RAP1GAP2: variants seen among roughly 807,000 people sequenced by gnomAD.
RAP1GAP2 encodes RAP1 GTPase activating protein 2.
Under a neutral mutation model 95.0 loss-of-function variants are expected in RAP1GAP2, and 27 were observed. That is an observed-to-expected ratio of 0.28 (90% CI 0.21 to 0.39). The LOEUF is 0.39. Among genes scored for constraint, RAP1GAP2 ranks in the 10% least tolerant of loss-of-function variants. RAP1GAP2 has a pLI of 1.00. For missense variants in RAP1GAP2, 771 were observed against 970.0 expected (o/e 0.79, Z 2.72); for synonymous variants, 373 against 380.9 (o/e 0.98, Z 0.24).
At chr17:2,985,177 A>C (rs2045511085) in intron 11 of RAP1GAP2, 111 bp downstream of exon 11, 2 of 1,528,164 alleles carry the variant, frequency 1.3e-6, no homozygotes, top group Admixed American at 4.3e-5. Flanking sequence ...AAGCATTTGG[A>C]ATACAACGGT....
At chr17:2,975,761 C>G (rs532454952) in intron 8 of RAP1GAP2, among the ~76,000 whole-genome samples, 80 of 152,264 alleles carry the variant, frequency 5.3e-4, no homozygotes, top group Non-Finnish European at 1.0e-3. Flanking sequence ...GCCCGCACTG[C>G]CTGTGACTGG....
chr17:2,788,763 T>A (rs1474311359), intron 1 of RAP1GAP2, among the ~76,000 whole-genome samples: 1 of 152,198 alleles, frequency 6.6e-6, no homozygotes, highest in Non-Finnish European at 1.5e-5. Flanking sequence ...GGTTCTCAGC[T>A]CAGGCAGAGA....
chr17:2,962,750 C>T, intron 5 of RAP1GAP2, 36 bp downstream of exon 5: 1 of 1,562,652 alleles, frequency 6.4e-7, no homozygotes, highest in South Asian at 1.2e-5. Context: ...CCAGACGGCC[C>T]TGGTGAGGGG....
At chr17:2,757,359 C>T (rs761562765) in intron 1 of RAP1GAP2, among the ~76,000 whole-genome samples, 3 of 152,172 alleles carry the variant, frequency 2.0e-5, no homozygotes, top group East Asian at 1.9e-4. Flanking sequence ...TGGGCTCGAG[C>T]GATCTACCCA....
intron 3 of RAP1GAP2, among the ~76,000 whole-genome samples, chr17:2,954,262 G>A (rs909719533): frequency 1.3e-5 from 2 of 151,838 alleles, no homozygotes; most frequent in East Asian, 3.9e-4. Context: ...CCGCCACCAT[G>A]CCCAGCTAAT....
intron 1 of RAP1GAP2, among the ~76,000 whole-genome samples, chr17:2,780,354 G>C (rs2151446072): frequency 6.6e-6 from 1 of 152,352 alleles, no homozygotes; most frequent in East Asian, 1.9e-4. Context: ...TCTGGCAAAA[G>C]TCTCTTCATC....
intron 11 of RAP1GAP2, among the ~76,000 whole-genome samples, chr17:2,988,090 G>A (rs186268649): frequency 6.6e-6 from 1 of 152,174 alleles, no homozygotes; most frequent in Admixed American, 6.6e-5. Flanking sequence ...GGCGCCTATA[G>A]TCCCAGCTAC....
At chr17:2,884,539 A>G (rs946639062) in intron 2 of RAP1GAP2, among the ~76,000 whole-genome samples, 3 of 151,742 alleles carry the variant, frequency 2.0e-5, no homozygotes, top group Non-Finnish European at 4.4e-5. Context: ...TGCCTGGCTA[A>G]TATTTGTATT....
chr17:2,762,719 A>T (rs935530371), intron 1 of RAP1GAP2, among the ~76,000 whole-genome samples: 3 of 150,952 alleles, frequency 2.0e-5, no homozygotes, highest in African/African-American at 7.3e-5. Flanking sequence ...GGATTTCAAC[A>T]TAGAAATTTT....
intron 2 of RAP1GAP2, among the ~76,000 whole-genome samples, chr17:2,810,789 A>G (rs962131826): frequency 6.6e-6 from 1 of 152,026 alleles, no homozygotes; most frequent in African/African-American, 2.4e-5. Context: ...TCAGCCTCCC[A>G]AAGTGCTGGG....
intron 1 of RAP1GAP2, among the ~76,000 whole-genome samples, chr17:2,760,666 G>C (rs573294195): frequency 6.6e-6 from 1 of 150,908 alleles, no homozygotes; most frequent in East Asian, 2.0e-4. Flanking sequence ...TTTTACTTAC[G>C]GTAAACTTTA....
At chr17:3,011,439 A>G (rs902823815) in intron 17 of RAP1GAP2, among the ~76,000 whole-genome samples, 2 of 151,926 alleles carry the variant, frequency 1.3e-5, no homozygotes, top group African/African-American at 2.4e-5. Flanking sequence ...TCAGGAAACC[A>G]TCCCTAGTTT....
At chr17:2,780,424 A>G (rs958291591) in intron 1 of RAP1GAP2, among the ~76,000 whole-genome samples, 1 of 152,098 alleles carries the variant, frequency 6.6e-6, no homozygotes, top group Non-Finnish European at 1.5e-5. Context: ...ACAGGGGAGG[A>G]GTTGTTTGCA....
intron 1 of RAP1GAP2, among the ~76,000 whole-genome samples, chr17:2,766,181 G>A (rs935236220): frequency 6.6e-6 from 1 of 152,148 alleles, no homozygotes; most frequent in African/African-American, 2.4e-5. Context: ...GACACTGTGC[G>A]TCCTCTGCAC....
chr17:2,990,893 G>A (rs1407554404), intron 11 of RAP1GAP2, among the ~76,000 whole-genome samples: 1 of 148,400 alleles, frequency 6.7e-6, no homozygotes, highest in Non-Finnish European at 1.5e-5. Context: ...CACCCAGACC[G>A]GACTGCAATG....
intron 8 of RAP1GAP2, among the ~76,000 whole-genome samples, chr17:2,970,273 CAA>C (rs869121536): frequency 2.7e-5 from 3 of 109,574 alleles, no homozygotes; most frequent in Non-Finnish European, 3.9e-5. Flanking sequence ...GACTCTGTCT[CAA>C]AAAAAAAAAA....
chr17:2,788,394 C>G (rs1349430263), intron 1 of RAP1GAP2, among the ~76,000 whole-genome samples: 40 of 152,182 alleles, frequency 2.6e-4, no homozygotes, highest in Admixed American at 2.6e-3. Context: ...CTCCCTGATT[C>G]AAGCAGTTCT....
intron 3 of RAP1GAP2, among the ~76,000 whole-genome samples, chr17:2,950,058 C>CT (rs1162303233): frequency 2.0e-5 from 2 of 101,336 alleles, no homozygotes; most frequent in Admixed American, 1.1e-4. Flanking sequence ...TCTTCTTCTT[C>CT]TTCTTTTTTT....
intron 14 of RAP1GAP2, among the ~76,000 whole-genome samples, chr17:2,999,539 G>A (rs1034587013): frequency 3.9e-5 from 6 of 152,280 alleles, no homozygotes; most frequent in South Asian, 4.1e-4. Context: ...AATGTTTCCC[G>A]TCAAATAATT....
Sources: gnomAD v4.1 joint callset for allele counts (sites outside exome capture counted in the v4.1 genomes callset) on GRCh38, gnomAD v4.1.1 for gene constraint, MANE v1.5 for transcripts, NCBI Gene and HGNC (gene_info 2026-07-23, HGNC 2026-07-21) for gene names.